The following PARD3B variants were observed in gnomAD, a reference collection of about 807,000 sequenced individuals.
The protein encoded by PARD3B is partitioning defective 3 homolog B.
A neutral mutation model predicts 130.2 loss-of-function variants in PARD3B; 103 were observed. The observed-to-expected ratio is 0.79, with a 90% CI of 0.67 to 0.93. PARD3B has a LOEUF of 0.93. Ranked by LOEUF, PARD3B falls within the 40% of genes least tolerant of loss-of-function variation. The pLI, the probability that PARD3B is intolerant of heterozygous loss-of-function variation, is 0.00. For missense variants in PARD3B, 1,609 were observed against 1,499.2 expected (o/e 1.07, Z -1.21); for synonymous variants, 583 against 553.2 (o/e 1.05, Z -0.76).
chr2:205,415,282 A>G (rs1336644921), intron 19 of PARD3B, among the ~76,000 whole-genome samples: 1 of 152,192 alleles, frequency 6.6e-6, no homozygotes, highest in Non-Finnish European at 1.5e-5. Flanking sequence ...TAATTTTCCT[A>G]CTTTTGATAA....
chr2:204,912,281 T>C (rs2047267644), intron 2 of PARD3B, among the ~76,000 whole-genome samples: 1 of 152,186 alleles, frequency 6.6e-6, no homozygotes, highest in African/African-American at 2.4e-5. Flanking sequence ...TCCTGATATA[T>C]TTTGGGGTAA....
At chr2:205,400,976 A>T (rs2046231747) in intron 18 of PARD3B, 37 bp from the exon 19 acceptor site, 1 of 1,454,426 alleles carries the variant, frequency 6.9e-7, no homozygotes, top group Non-Finnish European at 9.5e-7. Flanking sequence ...AAACAATGTG[A>T]TTATTGTTAA....
At position 205,091,541 on chromosome 2, in the gene PARD3B, G is replaced by A. The variant is rs896528025; in HGVS notation, c.505-12885G>A. ...TCCTATTTAGATATGGTCCCACAGAGCTATCACTATTTAAGGATGTGTCTG... is the reference window on the plus strand; with the variant it reads ...TCCTATTTAGATATGGTCCCACAGAACTATCACTATTTAAGGATGTGTCTG... On this transcript the variant is annotated intron_variant, in intron 4 of 22. Transcript: ENST00000406610. This position sits in a 1 kb window ranked among gnomAD's most constrained non-coding sequence, Gnocchi z 4.2. Among the ~76,000 whole-genome samples, 1 of 152,062 alleles carries A rather than the reference G, an allele frequency of 6.6e-6. No homozygotes were observed. The highest frequency in any genetic ancestry group is 2.4e-5 in the African/African-American group (1 of 41,400).
At chr2:205,391,159 A>G (rs1197445890) in intron 18 of PARD3B, among the ~76,000 whole-genome samples, 4 of 152,262 alleles carry the variant, frequency 2.6e-5, no homozygotes, top group Admixed American at 6.5e-5. Context: ...GCAGTGAAGT[A>G]TGGTTTGGTC....
chr2:205,577,298 G>A (rs2053797258), intron 22 of PARD3B, among the ~76,000 whole-genome samples: 1 of 149,366 alleles, frequency 6.7e-6, no homozygotes, highest in African/African-American at 2.5e-5. Flanking sequence ...TCTTTTTCTT[G>A]TCTTAGTGCA....
chr2:204,879,182 TAAAC>T (rs2045951109), intron 2 of PARD3B, among the ~76,000 whole-genome samples: 1 of 152,110 alleles, frequency 6.6e-6, no homozygotes, highest in Non-Finnish European at 1.5e-5. Context: ...AAATGTAAAA[TAAAC>T]AAACCCATTT....
intron 16 of PARD3B, among the ~76,000 whole-genome samples, chr2:205,273,237 A>G (rs2040809477): frequency 1.3e-5 from 2 of 152,204 alleles, no homozygotes; most frequent in Non-Finnish European, 1.5e-5. Flanking sequence ...CTAACTATTC[A>G]TATATACAAT....
intron 3 of PARD3B, among the ~76,000 whole-genome samples, chr2:204,995,800 A>G (rs1694123204): frequency 1.8e-5 from 1 of 54,442 alleles, no homozygotes; most frequent in African/African-American, 7.6e-5. Context: ...TTTTTTCTCT[A>G]AACTTCCCTT....
chr2:204,644,684 C>A lies in PARD3B; in HGVS notation c.121-41497C>A, dbSNP rs185369351. Among the ~76,000 whole-genome samples, 191 of 152,026 alleles carry A rather than the reference C, an allele frequency of 1.3e-3. 3 individuals carry two copies. In the East Asian group the frequency reaches 0.021, roughly 17 times the overall value. On this transcript the variant is annotated intron_variant, in intron 1 of 22. Transcript: ENST00000406610. ...GTGTGTGGGGTCCCACAGGATTATT[C>A]CTAGGATAAATAGACAGTTTTTTTC...
At chr2:205,246,089 C>G (rs182266965) in intron 16 of PARD3B, among the ~76,000 whole-genome samples, 65 of 152,166 alleles carry the variant, frequency 4.3e-4, no homozygotes, top group Non-Finnish European at 7.5e-4. Context: ...TGTACTCTAG[C>G]TAAACACTTA....
intron 3 of PARD3B, among the ~76,000 whole-genome samples, chr2:205,026,008 G>A (rs185945535): frequency 3.9e-4 from 60 of 152,186 alleles, no homozygotes; most frequent in Admixed American, 3.4e-3. Context: ...GGTACGCTAG[G>A]GTCTGAGCAT....
intron 2 of PARD3B, among the ~76,000 whole-genome samples, chr2:204,851,141 G>T (rs2044692960): frequency 6.6e-6 from 1 of 152,114 alleles, no homozygotes; most frequent in Admixed American, 6.6e-5. Flanking sequence ...GATTACCCTG[G>T]TTTATACCAG....
At position 204,763,494 on chromosome 2, in the gene PARD3B, G is replaced by A. The variant is rs534301374; in HGVS notation, c.222+77212G>A. On this transcript the variant is annotated intron_variant, in intron 2 of 22. Transcript: ENST00000406610. The stretch of plus-strand genomic sequence containing the variant: ...CAAAATATAGGAGTAATTTTTTTCC[G>A]AAGAGCTACTAAAGTGGTTTCCATT... 2.4e-3 allele frequency among the ~76,000 whole-genome samples: 368 copies of A among 152,010 alleles called. 1 individual carries two copies. The highest frequency in any genetic ancestry group is 0.02 in the Middle Eastern group (6 of 294).
At chr2:204,830,307 C>CT (rs1340121421) in intron 2 of PARD3B, among the ~76,000 whole-genome samples, 1 of 152,178 alleles carries the variant, frequency 6.6e-6, no homozygotes, top group Non-Finnish European at 1.5e-5. Flanking sequence ...AGTAGAAGGC[C>CT]TGCCGTTGGC....
chr2:204,686,214 G>T lies in PARD3B; in HGVS notation c.154G>T (p.Glu52Ter). 1 of 1,612,524 alleles carries T rather than the reference G, an allele frequency of 6.2e-7. No homozygotes were observed. Among genetic ancestry groups the T allele is most frequent in the South Asian group, 1.1e-5 (1 of 91,064 alleles). Residue 52 changes from glutamate to a stop codon, truncating the protein, a stop_gained, in exon 2 of 23, where the codon GAA becomes TAA. Transcript: ENST00000406610. LOFTEE classifies it high-confidence loss of function. Reference protein sequence around the residue: ...PGYWVKIHHLEYTDGGILDPD... With the variant: ...PGYWVKIHHL Reference sequence around the variant, plus strand: ...TTACTGGGTGAAGATTCATCACTTAGAATATACAGATGGAGGAATCCTGGA... The same window carrying T: ...TTACTGGGTGAAGATTCATCACTTATAATATACAGATGGAGGAATCCTGGA...
intron 4 of PARD3B, among the ~76,000 whole-genome samples, chr2:205,088,180 T>C (rs1051940948): frequency 6.6e-6 from 1 of 152,176 alleles, no homozygotes; most frequent in Admixed American, 6.5e-5. Context: ...TGAGAAGTCA[T>C]CATTAGCACC....
chr2:205,300,384 G>T lies in PARD3B; in HGVS notation c.2186-146G>T. 1 of 691,730 alleles carries T rather than the reference G, an allele frequency of 1.4e-6. No individual in the cohort carries two copies. The allele number at this position is 691,730 out of a possible 1,614,324, so 42.8% of individuals were successfully genotyped here. ...AAACCACTTGTTCAAGGTTACAAAA[G>T]GTGGCAAAGCTGGAGTATAACCCCA... On this transcript the variant is annotated intron_variant, in intron 16 of 22. Coordinates refer to ENST00000406610, the MANE Select transcript of PARD3B (RefSeq NM_001302769.2). This position sits in a 1 kb window ranked among gnomAD's most constrained non-coding sequence, Gnocchi z 4.1.
At chr2:204,960,798 TAAG>T (rs1439238492) in intron 2 of PARD3B, among the ~76,000 whole-genome samples, 3 of 152,038 alleles carry the variant, frequency 2.0e-5, no homozygotes, top group Non-Finnish European at 4.4e-5. Flanking sequence ...GGCAATAAAA[TAAG>T]AAGAGCTGTG....
In PARD3B at chr2:204,661,786, A is replaced by G. The variant is rs1375238661; in HGVS notation, c.121-24395A>G. Among the ~76,000 whole-genome samples the G allele has an allele frequency of 2.0e-5, 3 of 152,208 alleles. No individual in the cohort carries two copies. The East Asian group carries it at 5.8e-4, about 29-fold the overall frequency. Reference sequence around the variant, plus strand: ...AAGAACAAAAATCTTTACTGAAAAAAGTATTGTTTTACATTTTCACAGATT... The same window carrying G: ...AAGAACAAAAATCTTTACTGAAAAAGGTATTGTTTTACATTTTCACAGATT... On this transcript the variant is annotated intron_variant, in intron 1 of 22. Coordinates refer to ENST00000406610, the MANE Select transcript of PARD3B (RefSeq NM_001302769.2).
Sources: allele counts gnomAD v4.1 joint callset (sites outside exome capture counted in the v4.1 genomes callset), GRCh38; gene constraint gnomAD v4.1.1; non-coding constraint Gnocchi (gnomAD v3.1); transcripts MANE v1.5; gene names NCBI Gene and HGNC (gene_info 2026-07-23, HGNC 2026-07-21).